Variants in SLC39A11 observed in about 807,000 individuals in gnomAD.
SLC39A11 encodes solute carrier family 39 member 11, also known as zinc transporter ZIP11.
A neutral mutation model predicts 36.1 loss-of-function variants in SLC39A11; 33 were observed. That is an observed-to-expected ratio of 0.91 (90% CI 0.69 to 1.22). The LOEUF is 1.22. Among genes scored for constraint, SLC39A11 ranks in the 50% most tolerant of loss-of-function variants. SLC39A11 has a pLI of 0.00. For missense variants in SLC39A11, 432 were observed against 430.3 expected, an observed-to-expected ratio of 1.00 and a Z score of -0.03; for synonymous variants, 166 against 170.3, an observed-to-expected ratio of 0.97 and a Z score of 0.20.
intron 6 of SLC39A11, among the ~76,000 whole-genome samples, chr17:72,782,699 A>AT (rs1184148845): frequency 2.2e-5 from 3 of 138,364 alleles, no homozygotes. Context: ...AAAAAAAAAA[A>AT]AAAAAAAAAA....
intron 5 of SLC39A11, among the ~76,000 whole-genome samples, chr17:72,881,856 CT>C (rs1252659235): frequency 1.3e-5 from 2 of 152,204 alleles, no homozygotes; most frequent in Admixed American, 1.3e-4. Context: ...ATTTCTTTAG[CT>C]TTTCTTCGGC....
intron 5 of SLC39A11, among the ~76,000 whole-genome samples, chr17:72,861,558 C>A (rs8082204): frequency 3.4e-5 from 5 of 148,720 alleles, no homozygotes; most frequent in Non-Finnish European, 7.4e-5. Flanking sequence ...TTATCCAGAG[C>A]AGACTATGCT....
chr17:72,940,637 A>G (rs570194956), intron 5 of SLC39A11, among the ~76,000 whole-genome samples: 1 of 152,120 alleles, frequency 6.6e-6, no homozygotes, highest in South Asian at 2.1e-4. Flanking sequence ...CTCTTTTTTC[A>G]TCCTGCATAG....
intron 6 of SLC39A11, among the ~76,000 whole-genome samples, chr17:72,772,661 C>T (rs957903890): frequency 6.6e-6 from 1 of 152,164 alleles, no homozygotes; most frequent in Non-Finnish European, 1.5e-5. Context: ...TGCACACCTG[C>T]TACCCAGCTG....
At chr17:72,931,178 A>T (rs951284) in intron 5 of SLC39A11, among the ~76,000 whole-genome samples, 60,934 of 152,046 alleles carry the variant, frequency 0.4, 12,370 homozygotes, top group Middle Eastern at 0.48. Context: ...AGAGAGGTAC[A>T]GAGAGAGCTG....
At chr17:72,985,455 T>G (rs1415263799) in intron 4 of SLC39A11, among the ~76,000 whole-genome samples, 1 of 133,396 alleles carries the variant, frequency 7.5e-6, no homozygotes, top group African/African-American at 2.9e-5. Flanking sequence ...CTCTCTCACC[T>G]AGGCTGGAGT....
chr17:72,966,870 C>T (rs1399980522), intron 4 of SLC39A11, among the ~76,000 whole-genome samples: 1 of 152,156 alleles, frequency 6.6e-6, no homozygotes, highest in Non-Finnish European at 1.5e-5. Flanking sequence ...CGCCCGGCCG[C>T]TTCATCTGTA....
chr17:72,846,328 C>A (rs1286910707), intron 6 of SLC39A11, among the ~76,000 whole-genome samples: 1 of 152,118 alleles, frequency 6.6e-6, no homozygotes, highest in Non-Finnish European at 1.5e-5. Context: ...CTGCACCTGG[C>A]CTCAATCCTT....
chr17:72,996,930 T>C (rs1023955995), intron 4 of SLC39A11, among the ~76,000 whole-genome samples: 1 of 152,102 alleles, frequency 6.6e-6, no homozygotes, highest in African/African-American at 2.4e-5. Context: ...GCCTCTGCCC[T>C]TGTCATGAGA....
intron 5 of SLC39A11, among the ~76,000 whole-genome samples, chr17:72,914,380 G>T (rs369136572): frequency 6.6e-6 from 1 of 151,748 alleles, no homozygotes; most frequent in African/African-American, 2.4e-5. Flanking sequence ...ATACAAATAA[G>T]AAACAATATA....
Position 72,721,871 on chromosome 17 carries a change from G to C in SLC39A11, c.671+14779C>G, listed in dbSNP as rs1007366860. Reference sequence around the variant, plus strand: ...CATAATCCCAGCTACTCAGGAGGCTGAGGGAGGAGAATCGCTTGAACCTGG... The same window carrying C: ...CATAATCCCAGCTACTCAGGAGGCTCAGGGAGGAGAATCGCTTGAACCTGG... On this transcript the variant is annotated intron_variant, in intron 7 of 9. Transcript: ENST00000255559. Among the ~76,000 whole-genome samples, 4 of 151,324 alleles carry C rather than the reference G, an allele frequency of 2.6e-5. 1 individual carries two copies. The South Asian group carries it at 8.3e-4, about 32-fold the overall frequency.
intron 4 of SLC39A11, among the ~76,000 whole-genome samples, chr17:73,019,595 C>T (rs1026440290): frequency 1.3e-5 from 2 of 152,014 alleles, no homozygotes; most frequent in East Asian, 3.8e-4. Context: ...CCTACAGCAA[C>T]CTGCAAACAT....
chr17:73,025,956 A>T (rs1478035476), intron 4 of SLC39A11, among the ~76,000 whole-genome samples: 1 of 151,204 alleles, frequency 6.6e-6, no homozygotes, highest in East Asian at 1.9e-4. Flanking sequence ...CGTCTCCACT[A>T]AAAACACAAA....
chr17:73,026,531 A>AAG (rs2058562042), intron 4 of SLC39A11, among the ~76,000 whole-genome samples: 1 of 150,316 alleles, frequency 6.7e-6, no homozygotes, highest in African/African-American at 2.5e-5. Context: ...AAAAAAAAAA[A>AAG]AAAGAAAGAA....
At chr17:72,904,020 C>T (rs2082526982) in intron 5 of SLC39A11, among the ~76,000 whole-genome samples, 1 of 152,206 alleles carries the variant, frequency 6.6e-6, no homozygotes, top group Non-Finnish European at 1.5e-5. Flanking sequence ...AGGCACTGTG[C>T]TGTATACATG....
intron 6 of SLC39A11, chr17:72,837,862 G>C: frequency 1.0e-6 from 1 of 986,966 alleles, no homozygotes; most frequent in Non-Finnish European, 1.3e-6. Context: ...AGACAAAGTA[G>C]ATTAGTGCAG....
chr17:73,039,374 G>A (rs944454264), intron 3 of SLC39A11, among the ~76,000 whole-genome samples: 3 of 152,032 alleles, frequency 2.0e-5, no homozygotes, highest in African/African-American at 4.8e-5. Flanking sequence ...CCAGAACGTC[G>A]CACATGCCCA....
In SLC39A11 at chr17:72,647,616, C is replaced by T. The variant is rs776772108; in HGVS notation, c.976G>A (p.Val326Met). The part of the protein sequence containing the change: ...ASWASILGFV[V>M]MMSLDVGLG ...AGGCCAACGTCCAGTGACATCATCA[C>T]TACAAATCCCAGGATGGAGGCCCAG... is the stretch of plus-strand genomic sequence containing the variant. Residue 326 changes from valine to methionine, a missense_variant, in exon 10 of 10, where the codon GTG becomes ATG. Coordinates refer to ENST00000255559, the MANE Select transcript of SLC39A11 (RefSeq NM_139177.4). 6.2e-7 allele frequency: 1 copy of T among 1,613,952 alleles called. No individual in the cohort carries two copies. Among genetic ancestry groups the T allele is most frequent in the South Asian group, 1.1e-5 (1 of 91,066 alleles).
intron 4 of SLC39A11, among the ~76,000 whole-genome samples, chr17:72,964,816 G>A (rs1020459095): frequency 2.6e-4 from 40 of 152,208 alleles, no homozygotes; most frequent in South Asian, 1.0e-3. Context: ...TGTTTATTGC[G>A]GCACTATGCA....
Sources: allele counts gnomAD v4.1 joint callset (sites outside exome capture counted in the v4.1 genomes callset), GRCh38; gene constraint gnomAD v4.1.1; transcripts MANE v1.5; gene names NCBI Gene and HGNC (gene_info 2026-07-23, HGNC 2026-07-21).